CACNB4: variants seen among roughly 807,000 people sequenced by gnomAD.
The protein encoded by CACNB4 is calcium voltage-gated channel auxiliary subunit beta 4, also known as voltage-dependent L-type calcium channel subunit beta-4.
In CACNB4, 32 loss-of-function variants were observed where a neutral mutation model predicts 71.2. The observed-to-expected ratio is 0.45, with a 90% CI of 0.34 to 0.60. The LOEUF is 0.60. CACNB4 is among the 20% of genes least tolerant of loss of function. The pLI is 0.01. For synonymous variants in CACNB4, 231 were observed against 236.9 expected, an observed-to-expected ratio of 0.97 and a Z score of 0.23; for missense variants, 464 against 647.9, an observed-to-expected ratio of 0.72 and a Z score of 3.08.
At chr2:151,929,363 C>T (rs1433927118) in intron 2 of CACNB4, among the ~76,000 whole-genome samples, 1 of 152,078 alleles carries the variant, frequency 6.6e-6, no homozygotes, top group Non-Finnish European at 1.5e-5. Flanking sequence ...GACTCATAAC[C>T]CTTACTATAT....
intron 2 of CACNB4, among the ~76,000 whole-genome samples, chr2:151,922,688 T>G (rs1000559958): frequency 6.6e-6 from 1 of 152,188 alleles, no homozygotes; most frequent in Admixed American, 6.5e-5. Flanking sequence ...CTTTGGCATG[T>G]ATAGTCTGAA....
intron 2 of CACNB4, among the ~76,000 whole-genome samples, chr2:152,079,084 G>T (rs906453541): frequency 5.9e-5 from 9 of 151,792 alleles, no homozygotes; most frequent in African/African-American, 1.9e-4. Context: ...TTGTGTTGTT[G>T]TTGTTATTTT....
In CACNB4 at chr2:152,098,814, T is replaced by TG. The variant is rs1688433305; in HGVS notation, c.63+134dup. On this transcript the variant is annotated intron_variant, in intron 1 of 13. Transcript: ENST00000539935. This position sits in a 1 kb window ranked among gnomAD's most constrained non-coding sequence, Gnocchi z 5.3. ...AGGAGAAAGGGACGTGGAGGAGGGG[T>TG]GGGGGGAGCGGGGCCGCCGACTCCC... is the stretch of plus-strand genomic sequence containing the variant. The TG allele has an allele frequency of 1.5e-5, 5 of 342,328 alleles. No homozygotes were observed. The highest frequency in any genetic ancestry group is 1.0e-4 in the South Asian group (4 of 38,636). 21.2% of individuals were successfully genotyped at this position (342,328 alleles called of 1,614,324 possible).
At chr2:151,915,381 C>T (rs769724648) in intron 2 of CACNB4, among the ~76,000 whole-genome samples, 6 of 152,200 alleles carry the variant, frequency 3.9e-5, no homozygotes, top group Admixed American at 1.3e-4. Flanking sequence ...GCCCTTCCCC[C>T]GCCCAGGGAG....
At chr2:152,001,614 G>T (rs1682420234) in intron 2 of CACNB4, among the ~76,000 whole-genome samples, 1 of 150,882 alleles carries the variant, frequency 6.6e-6, no homozygotes, top group Non-Finnish European at 1.5e-5. Flanking sequence ...TCAGGAGGCT[G>T]AGGCAGGAGA....
chr2:151,968,027 T>C (rs965294483), intron 2 of CACNB4: 6 of 152,244 alleles, frequency 3.9e-5, no homozygotes, highest in Non-Finnish European at 8.8e-5. Flanking sequence ...TACCTTCTTT[T>C]GGCATACCAA....
Position 151,835,488 on chromosome 2 carries a change from T to C in CACNB4, c.*3631A>G, listed in dbSNP as rs143548152. ...CTCTAGAGAAGAGGTAGTAAATATA[T>C]CAGTACATAGGGTAATTTCTACAAT... is the stretch of plus-strand genomic sequence containing the variant. On this transcript the variant is annotated 3_prime_UTR_variant, in exon 14 of 14. Transcript: ENST00000539935. 4.6e-5 allele frequency: 7 copies of C among 151,970 alleles called. No homozygotes were observed. Among genetic ancestry groups the C allele is most frequent in the African/African-American group, 1.7e-4 (7 of 41,532 alleles). The allele number at this position is 151,970 out of a possible 1,614,324, so 9.4% of individuals were successfully genotyped here.
At chr2:152,078,561 C>T (rs1288543459) in intron 2 of CACNB4, among the ~76,000 whole-genome samples, 1 of 152,220 alleles carries the variant, frequency 6.6e-6, no homozygotes, top group Non-Finnish European at 1.5e-5. Flanking sequence ...TCCTTTGAAG[C>T]TAGATGTCGC....
intron 2 of CACNB4, among the ~76,000 whole-genome samples, chr2:152,045,046 T>C (rs1302545458): frequency 6.6e-6 from 1 of 152,176 alleles, no homozygotes; most frequent in Non-Finnish European, 1.5e-5. Flanking sequence ...GATATTGGTC[T>C]GGCTTACAAT....
intron 2 of CACNB4, among the ~76,000 whole-genome samples, chr2:152,058,745 G>A (rs1383708332): frequency 6.6e-6 from 1 of 152,242 alleles, no homozygotes; most frequent in Non-Finnish European, 1.5e-5. Flanking sequence ...AAGTAACCAG[G>A]AGTCCAGTGT....
At chr2:152,006,416 T>TG (rs1682729360) in intron 2 of CACNB4, among the ~76,000 whole-genome samples, 1 of 151,138 alleles carries the variant, frequency 6.6e-6, no homozygotes, top group Admixed American at 6.6e-5. Context: ...TTTTTTTTTT[T>TG]CTTTGAGATG....
intron 2 of CACNB4, among the ~76,000 whole-genome samples, chr2:152,016,206 T>C (rs1579133369): frequency 1.3e-5 from 2 of 152,210 alleles, no homozygotes; most frequent in African/African-American, 4.8e-5. Context: ...AGAAAGAATG[T>C]AGGAATGCAG....
At chr2:152,015,696 G>A (rs1216402808) in intron 2 of CACNB4, among the ~76,000 whole-genome samples, 2 of 152,246 alleles carry the variant, frequency 1.3e-5, no homozygotes, top group African/African-American at 4.8e-5. Context: ...GATAGGGGCT[G>A]TTCTGTCAGC....
At chr2:152,010,989 C>G (rs1328186921) in intron 2 of CACNB4, among the ~76,000 whole-genome samples, 1 of 151,920 alleles carries the variant, frequency 6.6e-6, no homozygotes, top group Non-Finnish European at 1.5e-5. Flanking sequence ...TTAAGAGCTC[C>G]CAAGGTAGAA....
At chr2:151,961,755 A>C (rs1283855591) in intron 2 of CACNB4, among the ~76,000 whole-genome samples, 2 of 152,026 alleles carry the variant, frequency 1.3e-5, no homozygotes, top group South Asian at 2.1e-4. Context: ...GCCAGGCATG[A>C]TGGCATGCAC....
At chr2:152,077,265 T>C (rs1458304413) in intron 2 of CACNB4, among the ~76,000 whole-genome samples, 1 of 151,868 alleles carries the variant, frequency 6.6e-6, no homozygotes, top group Non-Finnish European at 1.5e-5. Flanking sequence ...TACTAAAATA[T>C]AAAAATTGGC....
At chr2:151,891,478 C>A (rs909820971) in intron 2 of CACNB4, among the ~76,000 whole-genome samples, 1 of 152,134 alleles carries the variant, frequency 6.6e-6, no homozygotes, top group Admixed American at 6.6e-5. Flanking sequence ...CATGAAATTG[C>A]AAACATTGCA....
At chr2:152,023,972 G>C (rs962162519) in intron 2 of CACNB4, among the ~76,000 whole-genome samples, 13 of 152,200 alleles carry the variant, frequency 8.5e-5, no homozygotes, top group Admixed American at 6.5e-5. Context: ...CACAATGAAT[G>C]GATTGTGGTA....
At chr2:152,048,987 T>C (rs146025385) in intron 2 of CACNB4, among the ~76,000 whole-genome samples, 14 of 152,204 alleles carry the variant, frequency 9.2e-5, no homozygotes, top group African/African-American at 2.6e-4. Flanking sequence ...TTAAGAGAAA[T>C]ATGCAAGCTC....
Sources: allele counts gnomAD v4.1 joint callset (sites outside exome capture counted in the v4.1 genomes callset), GRCh38; gene constraint gnomAD v4.1.1; non-coding constraint Gnocchi (gnomAD v3.1); transcripts MANE v1.5; gene names NCBI Gene and HGNC (gene_info 2026-07-23, HGNC 2026-07-21).